ADAMTS18: variants seen among roughly 807,000 people sequenced by gnomAD.
ADAMTS18 encodes the protein A disintegrin and metalloproteinase with thrombospondin motifs 18.
ADAMTS18 carries 157 observed loss-of-function variants against 165.9 expected under a neutral mutation model. The ratio of observed to expected loss-of-function variants is 0.95; its 90% confidence interval spans 0.83 to 1.08. The LOEUF (loss-of-function observed/expected upper bound fraction) is 1.08, where lower values mean the gene tolerates loss of function less well. Ranked by LOEUF, ADAMTS18 falls within the 50% of genes least tolerant of loss-of-function variation. ADAMTS18 has a pLI of 0.00. For synonymous variants in ADAMTS18, 782 were observed against 578.2 expected (o/e 1.35, Z -5.06); for missense variants, 2,040 against 1,534.0 (o/e 1.33, Z -5.51).
In ADAMTS18 at chr16:77,367,530, C is replaced by G; in HGVS notation, c.689G>C (p.Ser230Thr). 1 of 1,614,232 alleles carries G rather than the reference C, an allele frequency of 6.2e-7. No homozygotes were observed. The highest frequency in any genetic ancestry group is 8.5e-7 in the Non-Finnish European group (1 of 1,180,040). Reference sequence around the variant, plus strand: ...ACTCTGAGATGCATGGGGAATGTGACTTGGGGAGTAACCAGGATAATTCCG... The same window carrying G: ...ACTCTGAGATGCATGGGGAATGTGAGTTGGGGAGTAACCAGGATAATTCCG... ...SGRNYPGYSP[S>T]HIPHASQSRE... The change falls in exon 4 of 23, where the codon AGT (serine) becomes ACT (threonine). Residue 230 changes from serine to threonine, a missense_variant. Physicochemically the swap from Ser to Thr is moderately conservative, Grantham distance 58. Transcript: ENST00000282849.
chr16:77,428,427 A>G (rs80212162), intron 3 of ADAMTS18, among the ~76,000 whole-genome samples: 14,452 of 152,218 alleles, frequency 0.095, 971 homozygotes, highest in Non-Finnish European at 0.13. Context: ...AGTGCTTTCA[A>G]TTTCATTAAC....
chr16:77,338,371 G>C (rs565336275), intron 11 of ADAMTS18, among the ~76,000 whole-genome samples: 1 of 152,084 alleles, frequency 6.6e-6, no homozygotes, highest in East Asian at 2.0e-4. Context: ...GAGTAGCTGG[G>C]ATTACTGGCG....
At chr16:77,333,503 A>AAT (rs1555513951) in intron 12 of ADAMTS18, among the ~76,000 whole-genome samples, 9 of 151,462 alleles carry the variant, frequency 5.9e-5, no homozygotes, top group South Asian at 2.1e-4. Flanking sequence ...AAAAAAAAAA[A>AAT]AATAAAACAG....
At chr16:77,354,433 G>A (rs2056599364) in intron 9 of ADAMTS18, among the ~76,000 whole-genome samples, 1 of 151,854 alleles carries the variant, frequency 6.6e-6, no homozygotes, top group South Asian at 2.1e-4. Context: ...ATGAACTGGG[G>A]GATGAGGCAG....
chr16:77,288,330 C>CATTTCTTCCCTATGTA lies in ADAMTS18; in HGVS notation c.3550+918_3550+933dup, dbSNP rs1050495044. Among the ~76,000 whole-genome samples, 8 of 152,092 alleles carry CATTTCTTCCCTATGTA rather than the reference C, an allele frequency of 5.3e-5. No individual in the cohort carries two copies. In the South Asian group the frequency reaches 1.2e-3, roughly 24 times the overall value. ...GTCTGGAAGAACATGACCGCTTGCT[C>CATTTCTTCCCTATGTA]ATTTCTTCCCTATGTAGTATCCCAG... On this transcript the variant is annotated intron_variant, in intron 22 of 22. Transcript: ENST00000282849.
intron 12 of ADAMTS18, among the ~76,000 whole-genome samples, chr16:77,335,305 G>C (rs1440908691): frequency 6.6e-6 from 1 of 150,774 alleles, no homozygotes; most frequent in Non-Finnish European, 1.5e-5. Context: ...CACAGAGCTA[G>C]AGCTAGAGAG....
intron 3 of ADAMTS18, among the ~76,000 whole-genome samples, chr16:77,385,701 T>C (rs983647520): frequency 2.6e-5 from 4 of 152,148 alleles, no homozygotes; most frequent in South Asian, 2.1e-4. Flanking sequence ...CATCAACCCA[T>C]TGGGCAGGTG....
intron 2 of ADAMTS18, 76 bp downstream of exon 2, chr16:77,434,342 C>T (rs1019187771): frequency 6.6e-7 from 1 of 1,510,888 alleles, no homozygotes; most frequent in African/African-American, 1.4e-5. Context: ...GCTTTTCCAT[C>T]TTTTCTCTCT....
At position 77,403,601 on chromosome 16, in the gene ADAMTS18, G is replaced by C. The variant is rs904668397; in HGVS notation, c.495+27694C>G. On this transcript the variant is annotated intron_variant, in intron 3 of 22. Coordinates refer to ENST00000282849, the MANE Select transcript of ADAMTS18 (RefSeq NM_199355.4). Reference sequence around the variant, plus strand: ...TATCTCTGCCCCTCTGCCTGGAATAGAGCCTGTTGATGGCTTAGTCAGGTC... The same window carrying C: ...TATCTCTGCCCCTCTGCCTGGAATACAGCCTGTTGATGGCTTAGTCAGGTC... Among the ~76,000 whole-genome samples the C allele has an allele frequency of 2.6e-5, 4 of 152,222 alleles. No individual in the cohort carries two copies. The South Asian group carries it at 8.3e-4, about 32-fold the overall frequency.
intron 6 of ADAMTS18, among the ~76,000 whole-genome samples, chr16:77,363,112 C>T (rs2056740154): frequency 6.6e-6 from 1 of 152,124 alleles, no homozygotes; most frequent in South Asian, 2.1e-4. Context: ...TAAAAAATAG[C>T]CATTTGAATG....
At chr16:77,412,382 G>C (rs1361856398) in intron 3 of ADAMTS18, among the ~76,000 whole-genome samples, 1 of 152,038 alleles carries the variant, frequency 6.6e-6, no homozygotes, top group Non-Finnish European at 1.5e-5. Flanking sequence ...CTAGAGTACA[G>C]TGGCACTATC....
chr16:77,430,981 G>C (rs1409643450), intron 3 of ADAMTS18, among the ~76,000 whole-genome samples: 1 of 152,154 alleles, frequency 6.6e-6, no homozygotes, highest in Non-Finnish European at 1.5e-5. Flanking sequence ...TAGAATGCCT[G>C]GTCTCCCGGG....
chr16:77,358,667 A>T (rs942123532), intron 8 of ADAMTS18, among the ~76,000 whole-genome samples: 1 of 152,258 alleles, frequency 6.6e-6, no homozygotes, highest in Non-Finnish European at 1.5e-5. Context: ...TTGAAAATAT[A>T]TGAGTTATTT....
At chr16:77,366,400 A>G (rs1279483248) in intron 4 of ADAMTS18, among the ~76,000 whole-genome samples, 4 of 152,200 alleles carry the variant, frequency 2.6e-5, no homozygotes, top group African/African-American at 9.7e-5. Context: ...TCTACTAAAA[A>G]TACAAAAATT....
chr16:77,286,216 C>G (rs902781933), intron 22 of ADAMTS18, among the ~76,000 whole-genome samples: 6 of 152,180 alleles, frequency 3.9e-5, no homozygotes, highest in African/African-American at 1.4e-4. Flanking sequence ...ATGTGGTTCA[C>G]CTTCCTTGAG....
chr16:77,339,144 G>C (rs1278703455), intron 11 of ADAMTS18, among the ~76,000 whole-genome samples: 2 of 150,972 alleles, frequency 1.3e-5, no homozygotes, highest in African/African-American at 4.8e-5. Context: ...GATGAAACAA[G>C]TAAAACCAGG....
intron 3 of ADAMTS18, among the ~76,000 whole-genome samples, chr16:77,424,941 G>T (rs780726016): frequency 5.9e-5 from 9 of 152,278 alleles, no homozygotes; most frequent in East Asian, 5.8e-4. Flanking sequence ...CGCCATGGAC[G>T]AAGGTCATTC....
At chr16:77,352,323 C>A (rs2056567742) in intron 10 of ADAMTS18, among the ~76,000 whole-genome samples, 1 of 151,988 alleles carries the variant, frequency 6.6e-6, no homozygotes, top group Non-Finnish European at 1.5e-5. Context: ...TTATTAATGA[C>A]TGAATATTAA....
chr16:77,317,049 T>G (rs1257604013), intron 16 of ADAMTS18, among the ~76,000 whole-genome samples: 1 of 152,210 alleles, frequency 6.6e-6, no homozygotes, highest in Non-Finnish European at 1.5e-5. Flanking sequence ...CCTTCAAGTT[T>G]CACCTCACAT....
Sources: allele counts gnomAD v4.1 joint callset (sites outside exome capture counted in the v4.1 genomes callset), GRCh38; gene constraint gnomAD v4.1.1; transcripts MANE v1.5; gene names NCBI Gene and HGNC (gene_info 2026-07-23, HGNC 2026-07-21).